The following NFU1 variants were observed in gnomAD, a reference collection of about 807,000 sequenced individuals.
NFU1 encodes NFU1 iron-sulfur cluster scaffold homolog, mitochondrial.
A neutral mutation model predicts 32.2 loss-of-function variants in NFU1; 30 were observed. The ratio of observed to expected loss-of-function variants is 0.93; its 90% confidence interval spans 0.70 to 1.26. The LOEUF (loss-of-function observed/expected upper bound fraction) is 1.26, where lower values mean the gene tolerates loss of function less well. Ranked by LOEUF, NFU1 falls within the 50% of genes most tolerant of loss-of-function variation. The pLI, the probability that NFU1 is intolerant of heterozygous loss-of-function variation, is 0.00. For missense variants in NFU1, 306 were observed against 306.6 expected (o/e 1.00, Z 0.02); for synonymous variants, 112 against 104.6 (o/e 1.07, Z -0.43).
intron 1 of NFU1, among the ~76,000 whole-genome samples, chr2:69,433,031 TC>T (rs1255288001): frequency 6.7e-6 from 1 of 149,320 alleles, no homozygotes; most frequent in Non-Finnish European, 1.5e-5. Flanking sequence ...GCGCCTGTAA[TC>T]CCAGCTACTC....
At position 69,415,125 on chromosome 2, in the gene NFU1, G is replaced by A. The variant is rs545847486; in HGVS notation, c.484+60C>T. On this transcript the variant is annotated intron_variant, in intron 5 of 7. Transcript: ENST00000410022. ...TGACTTCTGAAATCAAGGTAAATGT[G>A]AAGAAAATAGAAAAGTCTAAAAAAA... 4.6e-5 allele frequency: 40 copies of A among 878,392 alleles called. No individual in the cohort carries two copies. In the South Asian group the frequency reaches 5.7e-4, roughly 12 times the overall value. 54.4% of individuals were successfully genotyped at this position (878,392 alleles called of 1,614,324 possible).
At chr2:69,405,941 T>G in intron 6 of NFU1, 81 bp downstream of exon 6, 2 of 891,348 alleles carry the variant, frequency 2.2e-6, no homozygotes, top group South Asian at 2.7e-5. Context: ...TACTATAATC[T>G]CATGGCCAAC....
At chr2:69,425,986 T>C (rs192341291) in intron 2 of NFU1, among the ~76,000 whole-genome samples, 1 of 152,332 alleles carries the variant, frequency 6.6e-6, no homozygotes, top group African/African-American at 2.4e-5. Flanking sequence ...CTATTTTGTT[T>C]GTTTCAAGAC....
intron 5 of NFU1, among the ~76,000 whole-genome samples, chr2:69,413,311 G>A (rs1253272143): frequency 7.4e-4 from 104 of 139,922 alleles, no homozygotes; most frequent in Non-Finnish European, 1.3e-3. Context: ...AAAAAAACAA[G>A]GTACCATTGT....
rs767405381 is a variant in NFU1 at position 69,406,013 on chromosome 2, A to G, written c.545+9T>C. On this transcript the variant is annotated intron_variant, in intron 6 of 7. Coordinates refer to ENST00000410022, the MANE Select transcript of NFU1 (RefSeq NM_001002755.4). ...GCACTTGAATTCAGGTAGAGAGAGGAGCACGTACCGTATTCTAGTATCTAA... is the reference window on the plus strand; with the variant it reads ...GCACTTGAATTCAGGTAGAGAGAGGGGCACGTACCGTATTCTAGTATCTAA... 2.0e-5 allele frequency: 32 copies of G among 1,565,652 alleles called. No homozygotes were observed. The African/African-American group carries it at 4.1e-4, about 20-fold the overall frequency.
Position 69,431,963 on chromosome 2 carries a change from C to G in NFU1, c.105G>C (p.Gln35His), listed in dbSNP as rs1004511722. ...GTCTTTGTACAAACTGATGCAGAGG[C>G]TGTTTCTTAATGGTGTATGGATTCT... The part of the protein sequence containing the change: ...MLKNPYTIKK[Q>H]PLHQFVQRPL... Residue 35 changes from glutamine (Q) to histidine (H), a missense_variant, in exon 2 of 8, where the codon CAG becomes CAC. By Grantham distance (24) the Gln-to-His change is conservative (BLOSUM62 0). Coordinates refer to ENST00000410022, the MANE Select transcript of NFU1 (RefSeq NM_001002755.4). 3 of 1,613,642 alleles carry G rather than the reference C, an allele frequency of 1.9e-6. No homozygotes were observed. In the Admixed American group the frequency reaches 5.0e-5, roughly 27 times the overall value.
At chr2:69,415,123 G>A (rs1673007330) in intron 5 of NFU1, 62 bp downstream of exon 5, 1 of 862,756 alleles carries the variant, frequency 1.2e-6, no homozygotes, top group African/African-American at 1.7e-5. Flanking sequence ...CAAGGTAAAT[G>A]TGAAGAAAAT....
intron 7 of NFU1, among the ~76,000 whole-genome samples, chr2:69,397,242 G>A (rs6546512): frequency 0.67 from 100,901 of 151,728 alleles, 35,093 homozygotes; most frequent in African/African-American, 0.89. Flanking sequence ...CAAGGAAAGT[G>A]AAAAACAAAA....
chr2:69,414,382 T>C (rs965650349), intron 5 of NFU1, among the ~76,000 whole-genome samples: 11 of 151,698 alleles, frequency 7.3e-5, no homozygotes, highest in Non-Finnish European at 8.8e-5. Context: ...TTTTGAGAGG[T>C]TGAAGCCAGG....
upstream of NFU1, chr2:69,437,616 G>C (rs1309651384): frequency 5.7e-6 from 4 of 700,228 alleles, no homozygotes; most frequent in Non-Finnish European, 7.6e-6. Flanking sequence ...AGAGAGGCCG[G>C]GGAACCTTTC....
At chr2:69,437,577 G>A, upstream of NFU1, 2 of 893,020 alleles carry the variant, frequency 2.2e-6, no homozygotes, top group East Asian at 2.6e-5. Flanking sequence ...ACGCGCCGAG[G>A]TTTGCAGGCT....
At chr2:69,428,586 T>C (rs1431566201) in intron 2 of NFU1, among the ~76,000 whole-genome samples, 2 of 152,204 alleles carry the variant, frequency 1.3e-5, no homozygotes, top group African/African-American at 2.4e-5. Context: ...GTCACTCAGC[T>C]ACTAAGTGAC....
chr2:69,435,806 G>A (rs1272812425), intron 1 of NFU1, among the ~76,000 whole-genome samples: 6 of 152,098 alleles, frequency 3.9e-5, no homozygotes, highest in Non-Finnish European at 8.8e-5. Flanking sequence ...AGGCTGAAGT[G>A]CAGTGGCGTG....
intron 5 of NFU1, among the ~76,000 whole-genome samples, chr2:69,408,246 T>C (rs1009510374): frequency 3.9e-5 from 6 of 152,160 alleles, no homozygotes; most frequent in Non-Finnish European, 7.4e-5. Context: ...CTTGCTCTTT[T>C]CTGTGTAATA....
In NFU1 at chr2:69,413,753, T is replaced by C. The variant is rs532586760; in HGVS notation, c.484+1432A>G. Among the ~76,000 whole-genome samples, 248 of 151,494 alleles carry C rather than the reference T, an allele frequency of 1.6e-3. 1 individual carries two copies. The highest frequency in any genetic ancestry group is 5.7e-3 in the African/African-American group (236 of 41,314). On this transcript the variant is annotated intron_variant, in intron 5 of 7. Coordinates refer to ENST00000410022, the MANE Select transcript of NFU1 (RefSeq NM_001002755.4). ...CAGCCTGGATGACAGAGCAAGACTCTGTCTCAAAAATAAGGCCGGGCACGA... is the reference window on the plus strand; with the variant it reads ...CAGCCTGGATGACAGAGCAAGACTCCGTCTCAAAAATAAGGCCGGGCACGA...
At chr2:69,407,592 T>C (rs912173632) in intron 5 of NFU1, among the ~76,000 whole-genome samples, 1 of 149,318 alleles carries the variant, frequency 6.7e-6, no homozygotes, top group Non-Finnish European at 1.5e-5. Context: ...CGAGAATCAC[T>C]TGAACCCAGA....
intron 5 of NFU1, among the ~76,000 whole-genome samples, chr2:69,412,312 A>G (rs1002568770): frequency 2.0e-5 from 3 of 151,156 alleles, no homozygotes; most frequent in African/African-American, 7.3e-5. Flanking sequence ...GCCTCCCAAA[A>G]TGCTGGGATT....
intron 3 of NFU1, among the ~76,000 whole-genome samples, chr2:69,422,804 C>T (rs1479324476): frequency 2.0e-5 from 3 of 152,018 alleles, no homozygotes; most frequent in East Asian, 3.9e-4. Flanking sequence ...TTTCCTTAAC[C>T]TCCTGGGTTT....
chr2:69,422,869 C>G (rs1049020583), intron 3 of NFU1, among the ~76,000 whole-genome samples: 4 of 152,060 alleles, frequency 2.6e-5, no homozygotes, highest in Admixed American at 1.3e-4. Context: ...ACACATACCA[C>G]CACACTTGGC....
Sources: gnomAD v4.1 joint callset for allele counts (sites outside exome capture counted in the v4.1 genomes callset) on GRCh38, gnomAD v4.1.1 for gene constraint, MANE v1.5 for transcripts, NCBI Gene and HGNC (gene_info 2026-07-23, HGNC 2026-07-21) for gene names.